Variants in KLHDC1 observed in about 807,000 individuals in gnomAD.
The protein encoded by KLHDC1 is kelch domain containing 1.
KLHDC1 carries 53 observed loss-of-function variants against 68.3 expected under a neutral mutation model. The ratio of observed to expected loss-of-function variants is 0.78; its 90% CI spans 0.62 to 0.98. The LOEUF is 0.98. Among genes scored for constraint, KLHDC1 ranks in the 50% least tolerant of loss-of-function variants. The probability of loss-of-function intolerance (pLI) is 0.00; values close to 1 mark genes in which losing one functional copy is unlikely to be tolerated. For missense variants in KLHDC1, 470 were observed against 492.3 expected, an observed-to-expected ratio of 0.95 and a Z score of 0.43; for synonymous variants, 148 against 159.0, an observed-to-expected ratio of 0.93 and a Z score of 0.52.
In KLHDC1 at chr14:49,752,990, T is replaced by C. The variant is rs986866407; in HGVS notation, c.*1218T>C. 1.3e-5 allele frequency: 2 copies of C among 152,020 alleles called. No individual in the cohort carries two copies. The highest frequency in any genetic ancestry group is 4.8e-5 in the African/African-American group (2 of 41,442). The allele number at this position is 152,020 out of a possible 1,614,324, so 9.4% of individuals were successfully genotyped here. A position where few individuals can be genotyped will look rare whatever the true frequency, so the allele number is the denominator to read the frequency against. ...AGTAGTTTGTAGTATTTCATTGAATTTTAGAGAGATATTTCATATATATGT... is the reference window on the plus strand; with the variant it reads ...AGTAGTTTGTAGTATTTCATTGAATCTTAGAGAGATATTTCATATATATGT... On this transcript the variant is annotated 3_prime_UTR_variant, in exon 13 of 13. Coordinates refer to ENST00000359332, the MANE Select transcript of KLHDC1 (RefSeq NM_172193.3).
intron 9 of KLHDC1, among the ~76,000 whole-genome samples, 165 bp from the exon 10 acceptor site, chr14:49,734,424 A>G (rs368077791): frequency 6.6e-6 from 1 of 152,200 alleles, no homozygotes; most frequent in Non-Finnish European, 1.5e-5. Flanking sequence ...ATGGAAGTTC[A>G]TTGTCATGGT....
chr14:49,740,881 GGCCAGGAGTTC>G, intron 11 of KLHDC1, among the ~76,000 whole-genome samples: 1 of 152,024 alleles, frequency 6.6e-6, no homozygotes, highest in Admixed American at 6.5e-5. Flanking sequence ...AATCACTTGA[GGCCAGGAGTTC>G]GAGACCAGCC....
chr14:49,712,381 C>T (rs149037251), intron 4 of KLHDC1, among the ~76,000 whole-genome samples: 207 of 152,284 alleles, frequency 1.4e-3, no homozygotes, highest in African/African-American at 4.8e-3. Flanking sequence ...TACCATTTAA[C>T]ATATTCATCT....
chr14:49,748,947 C>T (rs575985577), intron 12 of KLHDC1, among the ~76,000 whole-genome samples: 11 of 151,748 alleles, frequency 7.2e-5, no homozygotes, highest in African/African-American at 2.4e-4. Context: ...ATTACAGGCA[C>T]GCACCATCAC....
chr14:49,704,140 G>A (rs1229742177), intron 1 of KLHDC1, among the ~76,000 whole-genome samples: 3 of 152,162 alleles, frequency 2.0e-5, no homozygotes, highest in Admixed American at 6.5e-5. Context: ...TGCCGTTCCA[G>A]TGAGTGTGAC....
At chr14:49,741,002 G>A (rs1460526100) in intron 11 of KLHDC1, among the ~76,000 whole-genome samples, 31 of 152,210 alleles carry the variant, frequency 2.0e-4, no homozygotes, top group Admixed American at 1.8e-3. Flanking sequence ...GCTGAGGCAC[G>A]AGAATCACTT....
Position 49,732,615 on chromosome 14 carries a change from G to T in KLHDC1, c.711-89G>T, listed in dbSNP as rs1345552830. ...GTAAAAGTTTTTTGGAGCAGTGAGG[G>T]CAGATTTTTTTTTTAAGATCTAAGA... On this transcript the variant is annotated intron_variant, in intron 8 of 12. Coordinates refer to ENST00000359332, the MANE Select transcript of KLHDC1 (RefSeq NM_172193.3). 4 of 443,580 alleles carry T rather than the reference G, an allele frequency of 9.0e-6. No homozygotes were observed. The African/African-American group carries it at 1.3e-4, about 14-fold the overall frequency. 27.5% of individuals were successfully genotyped at this position (443,580 alleles called of 1,614,324 possible).
intron 1 of KLHDC1, among the ~76,000 whole-genome samples, chr14:49,702,217 G>A: frequency 6.7e-6 from 1 of 150,290 alleles, no homozygotes; most frequent in African/African-American, 2.4e-5. Flanking sequence ...AATGAGCAAT[G>A]GATAAGTGCA....
intron 1 of KLHDC1, chr14:49,708,387 C>A (rs375779184): frequency 2.0e-5 from 3 of 152,252 alleles, no homozygotes; most frequent in African/African-American, 7.2e-5. Flanking sequence ...TGAGCCACTG[C>A]GCCCAGCTGG....
chr14:49,723,686 T>C (rs889469607), intron 4 of KLHDC1, among the ~76,000 whole-genome samples, 188 bp from the exon 5 acceptor site: 1 of 152,210 alleles, frequency 6.6e-6, no homozygotes, highest in Non-Finnish European at 1.5e-5. Context: ...GGGTCTCTTC[T>C]TTCCCATTGA....
rs1259556625 is a variant in KLHDC1 at position 49,693,747 on chromosome 14, TC to T, written c.96+458del. On this transcript the variant is annotated intron_variant, in intron 1 of 12. Coordinates refer to ENST00000359332, the MANE Select transcript of KLHDC1 (RefSeq NM_172193.3). ...TTAAATATTTATTTTCTTTTCTTTT[TC>T]TTTTTTTTTTTTTTTTGAGATGGAG... Among the ~76,000 whole-genome samples the T allele has an allele frequency of 8.2e-5, 6 of 73,308 alleles. 1 individual carries two copies. The highest frequency in any genetic ancestry group is 2.9e-4 in the African/African-American group (6 of 20,654). The allele number at this position is 73,308 out of a possible 152,430, so 48.1% of individuals were successfully genotyped here.
Position 49,744,575 on chromosome 14 carries a change from A to T in KLHDC1, c.1034+770A>T, listed in dbSNP as rs191551605. Reference sequence around the variant, plus strand: ...AAATTCATGGATGCTCAAGTCTCTTATATAGGGTGATGTAGTATTTGCATA... The same window carrying T: ...AAATTCATGGATGCTCAAGTCTCTTTTATAGGGTGATGTAGTATTTGCATA... On this transcript the variant is annotated intron_variant, in intron 12 of 12. Transcript: ENST00000359332. Among the ~76,000 whole-genome samples the T allele has an allele frequency of 2.2e-4, 33 of 152,224 alleles. 1 individual carries two copies. The East Asian group carries it at 5.6e-3, about 26-fold the overall frequency.
intron 1 of KLHDC1, among the ~76,000 whole-genome samples, chr14:49,699,182 ATC>A (rs1163175817): frequency 4.3e-5 from 6 of 140,730 alleles, no homozygotes; most frequent in Non-Finnish European, 9.4e-5. Context: ...AAAAAAAAAA[ATC>A]ACAGTTCTTC....
chr14:49,722,020 G>A (rs1483850284), intron 4 of KLHDC1, among the ~76,000 whole-genome samples: 5 of 152,286 alleles, frequency 3.3e-5, no homozygotes, highest in East Asian at 1.9e-4. Flanking sequence ...GATTTTCTCA[G>A]CTCTCCTCTG....
chr14:49,696,162 G>A (rs528625717), intron 1 of KLHDC1, among the ~76,000 whole-genome samples: 3 of 151,252 alleles, frequency 2.0e-5, no homozygotes, highest in African/African-American at 7.3e-5. Context: ...TTCTACATGA[G>A]CACATGCTGC....
chr14:49,744,150 C>T (rs1216902170), intron 12 of KLHDC1, among the ~76,000 whole-genome samples: 1 of 151,008 alleles, frequency 6.6e-6, no homozygotes, highest in Non-Finnish European at 1.5e-5. Flanking sequence ...GGCATGGTAG[C>T]TCACGTGTGT....
In KLHDC1 at chr14:49,751,318, C is replaced by T. The variant is rs557572359; in HGVS notation, c.1035-268C>T. On this transcript the variant is annotated intron_variant, in intron 12 of 12. Transcript: ENST00000359332. ...ATGATGATTTTAAATTTTAGGAATA[C>T]TTAACTATAACAAAGGATAAATGTT... 3.3e-5 allele frequency among the ~76,000 whole-genome samples: 5 copies of T among 152,048 alleles called. No homozygotes were observed. The South Asian group carries it at 1.0e-3, about 32-fold the overall frequency.
At chr14:49,706,409 T>G (rs2139735004) in intron 1 of KLHDC1, among the ~76,000 whole-genome samples, 1 of 152,244 alleles carries the variant, frequency 6.6e-6, no homozygotes, top group South Asian at 2.1e-4. Flanking sequence ...GCTTCGAAAT[T>G]TTGGGTATTG....
Position 49,702,496 on chromosome 14 carries a change from A to G in KLHDC1, c.97-6663A>G, listed in dbSNP as rs184478805. Reference sequence around the variant, plus strand: ...TCATAAATGATCACATTGGTCATCTATGTTATATGGAAGACATTTATCATT... The same window carrying G: ...TCATAAATGATCACATTGGTCATCTGTGTTATATGGAAGACATTTATCATT... On this transcript the variant is annotated intron_variant, in intron 1 of 12. Transcript: ENST00000359332. 5.3e-3 allele frequency among the ~76,000 whole-genome samples: 800 copies of G among 152,324 alleles called. 7 individuals carry two copies. Among genetic ancestry groups the G allele is most frequent in the African/African-American group, 0.018 (767 of 41,574 alleles).
Sources: allele counts gnomAD v4.1 joint callset (sites outside exome capture counted in the v4.1 genomes callset), GRCh38; gene constraint gnomAD v4.1.1; transcripts MANE v1.5; gene names NCBI Gene and HGNC (gene_info 2026-07-23, HGNC 2026-07-21).